The following ADGRL2 variants were observed in gnomAD, a reference collection of about 807,000 sequenced individuals.
ADGRL2 encodes calcium-independent alpha-latrotoxin receptor 2.
A neutral mutation model predicts 157.4 loss-of-function variants in ADGRL2; 44 were observed. That is an observed-to-expected ratio of 0.28 (90% CI 0.22 to 0.36). The LOEUF is 0.36. ADGRL2 is among the 10% of genes least tolerant of loss of function. The probability of loss-of-function intolerance (pLI) is 1.00; values close to 1 mark genes in which losing one functional copy is unlikely to be tolerated. For missense variants in ADGRL2, 1,510 were observed against 1,768.9 expected, an observed-to-expected ratio of 0.85 and a Z score of 2.63; for synonymous variants, 585 against 624.7, an observed-to-expected ratio of 0.94 and a Z score of 0.95.
intron 2 of ADGRL2, among the ~76,000 whole-genome samples, chr1:81,849,734 G>A (rs3828124): frequency 0.14 from 21,497 of 151,720 alleles, 1,690 homozygotes; most frequent in South Asian, 0.21. Context: ...TGCATGTTTT[G>A]GTAAAGGAGT....
chr1:81,829,818 A>G (rs1170650774), intron 1 of ADGRL2, among the ~76,000 whole-genome samples: 1 of 152,148 alleles, frequency 6.6e-6, no homozygotes, highest in Non-Finnish European at 1.5e-5. Context: ...TGAATCATAG[A>G]TTTATAATCT....
intron 3 of ADGRL2, among the ~76,000 whole-genome samples, chr1:81,616,653 T>TC (rs1413329923): frequency 7.9e-6 from 1 of 127,106 alleles, no homozygotes; most frequent in African/African-American, 3.1e-5. Context: ...TGGGTTTTTT[T>TC]TTTTTCTTTT....
intron 3 of ADGRL2, among the ~76,000 whole-genome samples, chr1:81,647,674 A>C (rs972232540): frequency 6.6e-6 from 1 of 152,194 alleles, no homozygotes; most frequent in Non-Finnish European, 1.5e-5. Flanking sequence ...GGGGTATTCA[A>C]GCTCTATTAG....
At chr1:81,637,031 T>G (rs1007585563) in intron 3 of ADGRL2, among the ~76,000 whole-genome samples, 3 of 152,136 alleles carry the variant, frequency 2.0e-5, no homozygotes, top group African/African-American at 7.2e-5. Context: ...ATTTGGGGTT[T>G]CACCATGTTG....
chr1:81,536,117 C>T (rs1314955996), intron 2 of ADGRL2, among the ~76,000 whole-genome samples: 1 of 152,124 alleles, frequency 6.6e-6, no homozygotes, highest in African/African-American at 2.4e-5. Context: ...GTTCATCTCC[C>T]TTACATTTTT....
chr1:81,551,298 A>T (rs2080139620), intron 2 of ADGRL2, among the ~76,000 whole-genome samples: 1 of 152,126 alleles, frequency 6.6e-6, no homozygotes. Context: ...CTTGAGGAAG[A>T]TCTGTGTATC....
At chr1:81,650,830 T>A (rs1351196147) in intron 3 of ADGRL2, among the ~76,000 whole-genome samples, 1 of 152,218 alleles carries the variant, frequency 6.6e-6, no homozygotes, top group African/African-American at 2.4e-5. Flanking sequence ...GTACCCCATC[T>A]TCCAGACATT....
intron 2 of ADGRL2, among the ~76,000 whole-genome samples, chr1:81,543,514 A>C (rs960225652): frequency 6.6e-6 from 1 of 152,324 alleles, no homozygotes; most frequent in Admixed American, 6.5e-5. Flanking sequence ...ATGGACTAAG[A>C]CAATATATTA....
chr1:81,638,299 A>G (rs1317745064), intron 3 of ADGRL2, among the ~76,000 whole-genome samples: 1 of 152,154 alleles, frequency 6.6e-6, no homozygotes, highest in African/African-American at 2.4e-5. Flanking sequence ...GAGAAAAGGA[A>G]AATGAGAAAG....
At chr1:81,867,610 A>G (rs968488736) in intron 2 of ADGRL2, among the ~76,000 whole-genome samples, 5 of 152,208 alleles carry the variant, frequency 3.3e-5, no homozygotes, top group Non-Finnish European at 7.3e-5. Context: ...CTTATCTACA[A>G]ACATCAGATT....
At chr1:81,832,023 A>C (rs1289375373) in intron 1 of ADGRL2, among the ~76,000 whole-genome samples, 1 of 152,176 alleles carries the variant, frequency 6.6e-6, no homozygotes, top group Non-Finnish European at 1.5e-5. Flanking sequence ...GATTAGTGAT[A>C]TGTATCTTAC....
chr1:81,820,707 A>T (rs1009535255), intron 1 of ADGRL2, among the ~76,000 whole-genome samples: 5 of 150,292 alleles, frequency 3.3e-5, no homozygotes, highest in Non-Finnish European at 5.9e-5. Context: ...TATTGAGAAC[A>T]GGAAGTGTTG....
At chr1:81,559,606 T>A (rs180923105) in intron 2 of ADGRL2, among the ~76,000 whole-genome samples, 9 of 152,346 alleles carry the variant, frequency 5.9e-5, no homozygotes, top group African/African-American at 2.2e-4. Context: ...ATTATTCAAA[T>A]ACTAATTTTC....
intron 17 of ADGRL2, among the ~76,000 whole-genome samples, chr1:81,975,340 A>G (rs1659907922): frequency 6.6e-6 from 1 of 152,106 alleles, no homozygotes; most frequent in Admixed American, 6.6e-5. Flanking sequence ...TCACTGATGC[A>G]TGCAGCCTTT....
At chr1:81,638,404 G>A (rs1382272141) in intron 3 of ADGRL2, among the ~76,000 whole-genome samples, 1 of 152,102 alleles carries the variant, frequency 6.6e-6, no homozygotes, top group Non-Finnish European at 1.5e-5. Context: ...ATTCTTAATT[G>A]ATCTAACAGA....
chr1:81,991,270 A>G lies in ADGRL2; in HGVS notation c.*125A>G, dbSNP rs1255908402. On this transcript the variant is annotated 3_prime_UTR_variant, in exon 24 of 24. Coordinates refer to ENST00000686636, the MANE Select transcript of ADGRL2 (RefSeq NM_001366006.2). ...CTCTTGACCTGTGGTTCTCTGGTGT[A>G]AAAAAGATGACTGAACCTTGCAGTT... The G allele has an allele frequency of 1.2e-6, 1 of 862,386 alleles. No individual in the cohort carries two copies. The highest frequency in any genetic ancestry group is 1.8e-6 in the Non-Finnish European group (1 of 565,422). The allele number at this position is 862,386 out of a possible 1,614,324, so 53.4% of individuals were successfully genotyped here. A position where few individuals can be genotyped will look rare whatever the true frequency, so the allele number is the denominator to read the frequency against.
chr1:81,368,092 G>A (rs1008025587), intron 1 of ADGRL2, among the ~76,000 whole-genome samples: 2 of 152,136 alleles, frequency 1.3e-5, no homozygotes, highest in Non-Finnish European at 2.9e-5. Context: ...AGATCTTTGA[G>A]GAATCGCCAC....
chr1:81,660,631 G>A (rs1301683069), intron 3 of ADGRL2, among the ~76,000 whole-genome samples: 1 of 152,010 alleles, frequency 6.6e-6, no homozygotes, highest in Non-Finnish European at 1.5e-5. Flanking sequence ...TCCTTTTCTA[G>A]GTTTTAGTGG....
chr1:81,744,068 A>G (rs2085163584), intron 1 of ADGRL2, among the ~76,000 whole-genome samples: 1 of 152,142 alleles, frequency 6.6e-6, no homozygotes, highest in South Asian at 2.1e-4. Context: ...CCTAGGGAGC[A>G]AAGTAGGAGA....
Sources: allele counts gnomAD v4.1 joint callset (sites outside exome capture counted in the v4.1 genomes callset), GRCh38; gene constraint gnomAD v4.1.1; transcripts MANE v1.5; gene names NCBI Gene and HGNC (gene_info 2026-07-23, HGNC 2026-07-21).